RHOH: variants seen among roughly 807,000 people sequenced by gnomAD.
The protein encoded by RHOH is rho-related GTP-binding protein RhoH.
A neutral mutation model predicts 13.8 loss-of-function variants in RHOH; 6 were observed. That is an observed-to-expected ratio of 0.44 (90% CI 0.24 to 0.86). The LOEUF is 0.86. Among genes scored for constraint, RHOH ranks in the 40% least tolerant of loss-of-function variants. The pLI is 0.24. For synonymous variants in RHOH, 117 were observed against 103.0 expected (o/e 1.14, Z -0.82); for missense variants, 147 against 244.5 (o/e 0.60, Z 2.66).
upstream of RHOH, among the ~76,000 whole-genome samples, chr4:40,196,493 TACAGGGGTGAACGC>T (rs796570781): frequency 4.6e-5 from 7 of 152,316 alleles, no homozygotes; most frequent in African/African-American, 1.7e-4. Flanking sequence ...TGCTCGTCCA[TACAGGGGTGAACGC>T]ACGGCAGGGG....
intron 1 of RHOH, among the ~76,000 whole-genome samples, chr4:40,208,543 C>A (rs1724902828): frequency 6.6e-6 from 1 of 152,080 alleles, no homozygotes; most frequent in South Asian, 2.1e-4. Flanking sequence ...CTAAATATTC[C>A]TTCTTCTCTC....
intron 1 of RHOH, among the ~76,000 whole-genome samples, chr4:40,228,168 A>C (rs1727471105): frequency 6.6e-6 from 1 of 152,206 alleles, no homozygotes; most frequent in Non-Finnish European, 1.5e-5. Flanking sequence ...TTGACATAGA[A>C]TGTTAAATTA....
intron 1 of RHOH, among the ~76,000 whole-genome samples, chr4:40,231,162 GGCCATTTTGAAACCT>G (rs919034150): frequency 2.6e-5 from 4 of 152,030 alleles, no homozygotes; most frequent in Admixed American, 6.6e-5. Flanking sequence ...CTCCTGTACA[GGCCATTTTGAAACCT>G]GCCATTTTGA....
rs1729770401 is a variant in RHOH at position 40,246,445 on chromosome 4, C to T, written c.*2483C>T. 8.8e-6 allele frequency: 1 copy of T among 113,702 alleles called. No homozygotes were observed. Among genetic ancestry groups the T allele is most frequent in the Non-Finnish European group, 2.3e-5 (1 of 44,418 alleles). The allele number at this position is 113,702 out of a possible 1,614,324, so 7.0% of individuals were successfully genotyped here. On this transcript the variant is annotated 3_prime_UTR_variant, in exon 3 of 3. Transcript: ENST00000381799. ...AAAGACACACAGGTGAGACCTCCACCTGTTGGCGGGAGCCAAGCTTAACAG... is the reference window on the plus strand; with the variant it reads ...AAAGACACACAGGTGAGACCTCCACTTGTTGGCGGGAGCCAAGCTTAACAG...
At position 40,197,096 on chromosome 4, in the gene RHOH, G is replaced by C. The variant is rs1440649629; in HGVS notation, c.-535G>C. On this transcript the variant is annotated 5_prime_UTR_variant, in exon 1 of 3. Transcript: ENST00000381799. ...CCAACCATCTTGGGGTGGACTCCCT[G>C]CCAGCCCAACTGTTGTATTTTCAGT... 1 of 152,178 alleles carries C rather than the reference G, an allele frequency of 6.6e-6. No homozygotes were observed. Among genetic ancestry groups the C allele is most frequent in the East Asian group, 1.9e-4 (1 of 5,198 alleles). 9.4% of individuals were successfully genotyped at this position (152,178 alleles called of 1,614,324 possible).
At chr4:40,240,878 C>T (rs1234665216) in intron 1 of RHOH, among the ~76,000 whole-genome samples, 1 of 147,494 alleles carries the variant, frequency 6.8e-6, no homozygotes, top group African/African-American at 2.5e-5. Flanking sequence ...AACTTAAGGC[C>T]AGGTGCAGTA....
intron 1 of RHOH, among the ~76,000 whole-genome samples, chr4:40,200,864 A>C (rs185490685): frequency 3.7e-4 from 57 of 152,384 alleles, no homozygotes; most frequent in African/African-American, 1.3e-3. Flanking sequence ...ACCAAATCAC[A>C]TTCTTTTCTG....
chr4:40,228,074 A>G (rs1166674743), intron 1 of RHOH, among the ~76,000 whole-genome samples: 1 of 152,226 alleles, frequency 6.6e-6, no homozygotes, highest in African/African-American at 2.4e-5. Context: ...TTATTAAACT[A>G]TCCAACAGTA....
intron 1 of RHOH, among the ~76,000 whole-genome samples, chr4:40,198,605 A>C (rs921548645): frequency 6.6e-6 from 1 of 152,080 alleles, no homozygotes; most frequent in African/African-American, 2.4e-5. Context: ...GTGGGCCTCC[A>C]TTTGCCCTCT....
At chr4:40,233,361 G>A (rs1158547622) in intron 1 of RHOH, among the ~76,000 whole-genome samples, 2 of 136,538 alleles carry the variant, frequency 1.5e-5, no homozygotes, top group African/African-American at 5.9e-5. Flanking sequence ...AGCCAGTGGG[G>A]CTGAAAGGCA....
In RHOH at chr4:40,246,776, A is replaced by C. The variant is rs1729791179; in HGVS notation, c.*2814A>C. 6.6e-6 allele frequency: 1 copy of C among 152,238 alleles called. No homozygotes were observed. Among genetic ancestry groups the C allele is most frequent in the South Asian group, 2.1e-4 (1 of 4,836 alleles). The allele number at this position is 152,238 out of a possible 1,614,324, so 9.4% of individuals were successfully genotyped here. A position where few individuals can be genotyped will look rare whatever the true frequency, so the allele number is the denominator to read the frequency against. On this transcript the variant is annotated 3_prime_UTR_variant, in exon 3 of 3. Transcript: ENST00000381799. ...GTAGGGGTAAGAAGAAAAATAGGTC[A>C]TATGGGTAGAATCCGTGTGTTGTGT...
At chr4:40,231,449 A>C (rs1315744531) in intron 1 of RHOH, among the ~76,000 whole-genome samples, 1 of 151,692 alleles carries the variant, frequency 6.6e-6, no homozygotes, top group Non-Finnish European at 1.5e-5. Flanking sequence ...TTCATTCAGT[A>C]AACGATAGCC....
upstream of RHOH, among the ~76,000 whole-genome samples, chr4:40,195,092 A>T (rs1425073824): frequency 6.6e-6 from 1 of 152,130 alleles, no homozygotes; most frequent in East Asian, 1.9e-4. Flanking sequence ...CGTGGCATAC[A>T]TTCTCTGTAA....
intron 1 of RHOH, chr4:40,209,746 G>A (rs1725039723): frequency 6.6e-6 from 1 of 152,030 alleles, no homozygotes; most frequent in Non-Finnish European, 1.5e-5. Context: ...CCAGTCAAGA[G>A]ATCCTTTAAG....
Position 40,237,102 on chromosome 4 carries a change from C to T in RHOH, c.-330-5612C>T, listed in dbSNP as rs141561691. On this transcript the variant is annotated intron_variant, in intron 1 of 2. Transcript: ENST00000381799. ...GAGTGAAAAAGTTTAGAGATGGTTA[C>T]ACCTTTTTTTTCTAAAGTTGCTTAA... Among the ~76,000 whole-genome samples, 694 of 152,292 alleles carry T rather than the reference C, an allele frequency of 4.6e-3. 8 individuals are homozygous for T. The highest frequency in any genetic ancestry group is 0.016 in the African/African-American group (660 of 41,566).
intron 1 of RHOH, among the ~76,000 whole-genome samples, chr4:40,242,084 C>T (rs968397530): frequency 2.6e-5 from 4 of 152,212 alleles, no homozygotes; most frequent in Non-Finnish European, 4.4e-5. Context: ...GAATTTTGGT[C>T]TGAAAGACTT....
chr4:40,213,662 C>T (rs16995629), intron 1 of RHOH, among the ~76,000 whole-genome samples: 7,610 of 152,082 alleles, frequency 0.05, 614 homozygotes, highest in African/African-American at 0.17. Context: ...ACCTGGGTAG[C>T]GATTGCACTC....
intron 1 of RHOH, among the ~76,000 whole-genome samples, chr4:40,227,764 A>G (rs1327424844): frequency 1.3e-5 from 2 of 152,222 alleles, no homozygotes; most frequent in African/African-American, 4.8e-5. Flanking sequence ...CTGGAAAAGT[A>G]GGTAAAACTG....
intron 1 of RHOH, among the ~76,000 whole-genome samples, chr4:40,203,953 G>A (rs1444411106): frequency 1.3e-5 from 2 of 152,156 alleles, no homozygotes; most frequent in Non-Finnish European, 2.9e-5. Context: ...GGACCTTACT[G>A]TATGATAACA....
Sources: allele counts gnomAD v4.1 joint callset (sites outside exome capture counted in the v4.1 genomes callset), GRCh38; gene constraint gnomAD v4.1.1; transcripts MANE v1.5; gene names NCBI Gene and HGNC (gene_info 2026-07-23, HGNC 2026-07-21).